TMPRSS11F: variants seen among roughly 807,000 people sequenced by gnomAD.
The protein encoded by TMPRSS11F is transmembrane serine protease 11F.
In TMPRSS11F, 47 loss-of-function variants were observed where a neutral mutation model predicts 60.2. The observed-to-expected ratio is 0.78, with a 90% CI of 0.62 to 1.00. The LOEUF (loss-of-function observed/expected upper bound fraction) is 1.00, where lower values mean the gene tolerates loss of function less well. Among genes scored for constraint, TMPRSS11F ranks in the 50% least tolerant of loss-of-function variants. TMPRSS11F has a pLI of 0.00. For missense variants in TMPRSS11F, 519 were observed against 522.9 expected, an observed-to-expected ratio of 0.99 and a Z score of 0.07; for synonymous variants, 166 against 167.3, an observed-to-expected ratio of 0.99 and a Z score of 0.06.
chr4:68,066,317 A>G (rs1723327575), intron 7 of TMPRSS11F, among the ~76,000 whole-genome samples: 1 of 152,190 alleles, frequency 6.6e-6, no homozygotes, highest in African/African-American at 2.4e-5. Flanking sequence ...GGAGTTTACA[A>G]ATGAATCAGA....
chr4:68,117,378 A>T (rs1724546601), intron 1 of TMPRSS11F, among the ~76,000 whole-genome samples: 1 of 149,184 alleles, frequency 6.7e-6, no homozygotes, highest in African/African-American at 2.5e-5. Flanking sequence ...GAGGCAGGAG[A>T]ATGGAGTGAA....
intron 8 of TMPRSS11F, 81 bp from the exon 9 acceptor site, chr4:68,059,549 T>A (rs1180197431): frequency 7.2e-7 from 1 of 1,391,114 alleles, no homozygotes; most frequent in Non-Finnish European, 9.6e-7. Flanking sequence ...GACACATAAA[T>A]TGTAGCAAAA....
chr4:68,089,292 A>G (rs949338185), intron 3 of TMPRSS11F, among the ~76,000 whole-genome samples: 3 of 152,154 alleles, frequency 2.0e-5, no homozygotes, highest in African/African-American at 4.8e-5. Flanking sequence ...ACTTGAGGGC[A>G]TATCTTACTA....
rs753045325 is a variant in TMPRSS11F at position 68,129,814 on chromosome 4, A to C, written c.7T>G (p.Tyr3Asp). Residue 3 changes from tyrosine to aspartate, a missense_variant, in exon 1 of 10, where the codon TAC becomes GAC. Physicochemically the swap from Tyr to Asp is radical, Grantham distance 160. Coordinates refer to ENST00000356291, the MANE Select transcript of TMPRSS11F (RefSeq NM_207407.2). MM[Y>D]APVEFSEAEF... ...TGAGAAAAGCTGAATACTTACGCGT[A>C]CATCATGAACCCAGGACTGGGGCAG... The C allele has an allele frequency of 1.2e-6, 2 of 1,613,456 alleles. No individual in the cohort carries two copies. The highest frequency in any genetic ancestry group is 1.7e-6 in the Non-Finnish European group (2 of 1,179,482).
Position 68,115,007 on chromosome 4 carries a change from A to G in TMPRSS11F, c.11+14803T>C, listed in dbSNP as rs1160893833. Reference sequence around the variant, plus strand: ...TCATTATTTAAAAAAAAAAAAAAAAAAAAAAGAAGAAGAACAAGAAGAAAG... The same window carrying G: ...TCATTATTTAAAAAAAAAAAAAAAAGAAAAAGAAGAAGAACAAGAAGAAAG... On this transcript the variant is annotated intron_variant, in intron 1 of 9. Coordinates refer to ENST00000356291, the MANE Select transcript of TMPRSS11F (RefSeq NM_207407.2). Among the ~76,000 whole-genome samples, 20 of 150,182 alleles carry G rather than the reference A, an allele frequency of 1.3e-4. No homozygotes were observed. In the South Asian group the frequency reaches 1.5e-3, roughly 11 times the overall value.
intron 3 of TMPRSS11F, among the ~76,000 whole-genome samples, chr4:68,086,270 T>C (rs762471319): frequency 2.0e-5 from 3 of 152,100 alleles, no homozygotes; most frequent in Non-Finnish European, 4.4e-5. Context: ...TGCTCCTGAA[T>C]TACCTTTGGG....
At position 68,069,996 on chromosome 4, in the gene TMPRSS11F, T is replaced by C. The variant is rs1723418578; in HGVS notation, c.526A>G (p.Lys176Glu). 1 of 1,602,964 alleles carries C rather than the reference T, an allele frequency of 6.2e-7. No homozygotes were observed. ...CTGTTGAGAAGATTCCTCATCTTTT[T>C]GCTGTCAATAGCTGGAATAAGCAAA... ...PSFRLTPIDSKKMRNLLNSRC... is the reference protein window; with the variant it reads ...PSFRLTPIDSEKMRNLLNSRC... The change falls in exon 6 of 10, where the codon AAA becomes GAA. Residue 176 changes from lysine (K) to glutamate (E), a missense_variant. By Grantham distance (56) the Lys-to-Glu change is moderately conservative. Transcript: ENST00000356291.
chr4:68,070,099 T>G, intron 5 of TMPRSS11F, 92 bp from the exon 6 acceptor site: 1 of 1,055,418 alleles, frequency 9.5e-7, no homozygotes, highest in East Asian at 2.5e-5. Flanking sequence ...GAAATGTGAA[T>G]TATCTAAAGC....
At chr4:68,084,707 CATTTATTTATTT>C (rs1197852585) in intron 3 of TMPRSS11F, among the ~76,000 whole-genome samples, 1 of 150,940 alleles carries the variant, frequency 6.6e-6, no homozygotes, top group East Asian at 1.9e-4. Context: ...CACAGAAACA[CATTTATTTATTT>C]ATTTATTTTT....
intron 3 of TMPRSS11F, among the ~76,000 whole-genome samples, chr4:68,076,209 G>A (rs1426686089): frequency 1.3e-5 from 2 of 152,072 alleles, no homozygotes; most frequent in Non-Finnish European, 2.9e-5. Flanking sequence ...CAAATAACAA[G>A]GTCGCCTTCC....
intron 8 of TMPRSS11F, among the ~76,000 whole-genome samples, chr4:68,060,499 G>C (rs1397545902): frequency 9.3e-6 from 1 of 107,346 alleles, no homozygotes; most frequent in Non-Finnish European, 1.7e-5. Context: ...CTGGGTGACA[G>C]AGTGAGACTC....
At position 68,056,808 on chromosome 4, in the gene TMPRSS11F, C is replaced by G. The variant is rs146972509; in HGVS notation, c.1158+2518G>C. Among the ~76,000 whole-genome samples, 255 of 152,136 alleles carry G rather than the reference C, an allele frequency of 1.7e-3. 2 individuals carry two copies. Among genetic ancestry groups the G allele is most frequent in the African/African-American group, 6.0e-3 (249 of 41,518 alleles). On this transcript the variant is annotated intron_variant, in intron 9 of 9. Coordinates refer to ENST00000356291, the MANE Select transcript of TMPRSS11F (RefSeq NM_207407.2). ...AAATGTCTTATAAAGCAATTGTAAT[C>G]AACATAGTGTGGTCCTGGCATAATA...
chr4:68,090,703 G>T, intron 2 of TMPRSS11F, 62 bp from the exon 3 acceptor site: 1 of 1,546,546 alleles, frequency 6.5e-7, no homozygotes, highest in Non-Finnish European at 8.7e-7. Context: ...TGTCCCCTAC[G>T]TCTTGCCCAC....
At chr4:68,129,096 C>T (rs952306592) in intron 1 of TMPRSS11F, among the ~76,000 whole-genome samples, 1 of 152,122 alleles carries the variant, frequency 6.6e-6, no homozygotes, top group African/African-American at 2.4e-5. Flanking sequence ...CAAGGCTAGA[C>T]TTAGCACAAG....
chr4:68,062,416 A>C, intron 8 of TMPRSS11F: 1 of 596,708 alleles, frequency 1.7e-6, no homozygotes, highest in South Asian at 1.4e-5. Flanking sequence ...TAGAACTTAA[A>C]GCATTTTGGT....
At chr4:68,091,187 T>C (rs569014787) in intron 2 of TMPRSS11F, among the ~76,000 whole-genome samples, 1 of 152,302 alleles carries the variant, frequency 6.6e-6, no homozygotes, top group East Asian at 1.9e-4. Context: ...ACCATTGTAA[T>C]GTCTTTCATG....
chr4:68,091,434 A>C (rs778687889), intron 2 of TMPRSS11F, among the ~76,000 whole-genome samples: 1 of 151,966 alleles, frequency 6.6e-6, no homozygotes, highest in Non-Finnish European at 1.5e-5. Flanking sequence ...GGCCTTACCC[A>C]CTAACTATTT....
At chr4:68,124,360 T>A (rs1724676855) in intron 1 of TMPRSS11F, among the ~76,000 whole-genome samples, 1 of 151,988 alleles carries the variant, frequency 6.6e-6, no homozygotes, top group Non-Finnish European at 1.5e-5. Flanking sequence ...AAAATTTAGC[T>A]GTGCGTTGGG....
intron 3 of TMPRSS11F, among the ~76,000 whole-genome samples, chr4:68,088,713 C>T (rs2109862503): frequency 6.6e-6 from 1 of 152,244 alleles, no homozygotes; most frequent in East Asian, 1.9e-4. Context: ...ACAGTGCAAT[C>T]AAACTAGAAC....
Sources: gnomAD v4.1 joint callset for allele counts (sites outside exome capture counted in the v4.1 genomes callset) on GRCh38, gnomAD v4.1.1 for gene constraint, MANE v1.5 for transcripts, NCBI Gene and HGNC (gene_info 2026-07-23, HGNC 2026-07-21) for gene names.